PRR14L: variants seen among roughly 807,000 people sequenced by gnomAD.
The protein encoded by PRR14L is proline rich 14 like, also known as protein PRR14L.
PRR14L carries 80 observed loss-of-function variants against 155.0 expected under a neutral mutation model. The observed-to-expected ratio is 0.52, with a 90% CI of 0.43 to 0.62. The LOEUF (loss-of-function observed/expected upper bound fraction) is 0.62, where lower values mean the gene tolerates loss of function less well. Ranked by LOEUF, PRR14L falls within the 20% of genes least tolerant of loss-of-function variation. The pLI is 0.00. For missense variants in PRR14L, 2,469 were observed against 2,548.0 expected (o/e 0.97, Z 0.67); for synonymous variants, 883 against 916.0 (o/e 0.96, Z 0.65).
intron 2 of PRR14L, among the ~76,000 whole-genome samples, chr22:31,731,347 G>A (rs913912524): frequency 3.3e-5 from 5 of 151,838 alleles, no homozygotes; most frequent in East Asian, 1.9e-4. Context: ...GGCGGATCAC[G>A]AGGTCAGGAG....
Position 31,738,769 on chromosome 22 carries a change from C to T in PRR14L, c.92G>A (p.Ser31Asn). The T allele has an allele frequency of 1.3e-6, 2 of 1,551,928 alleles. No homozygotes were observed. The highest frequency in any genetic ancestry group is 1.4e-5 in the African/African-American group (1 of 73,162). ...GTCAGCATGAAGCTCTCTGGAGACA[C>T]TTACTGGGAGTTCAGAGTATAATTC... ...VQELYSELPV[S>N]VSRELHADPE... is the part of the protein sequence containing the mutation. Residue 31 changes from serine to asparagine, a missense_variant, in exon 2 of 9, where the codon AGT (serine) becomes AAT (asparagine). This residue lies in a region of PRR14L where 2,363 missense variants were observed against 2,371.6 expected (regional missense o/e 1.00). Transcript: ENST00000327423.
intron 5 of PRR14L, among the ~76,000 whole-genome samples, chr22:31,703,947 G>A (rs2074576555): frequency 6.6e-6 from 1 of 151,966 alleles, no homozygotes; most frequent in South Asian, 2.1e-4. Flanking sequence ...ACAGGCATGC[G>A]CCACCACGCC....
intron 1 of PRR14L, among the ~76,000 whole-genome samples, chr22:31,749,056 C>A (rs895538825): frequency 6.6e-6 from 1 of 152,158 alleles, no homozygotes; most frequent in African/African-American, 2.4e-5. Flanking sequence ...TCTTTTTTAA[C>A]AGATTAAGTA....
intron 2 of PRR14L, among the ~76,000 whole-genome samples, chr22:31,731,380 C>T (rs1039556822): frequency 2.0e-5 from 3 of 151,680 alleles, no homozygotes; most frequent in Admixed American, 6.6e-5. Context: ...CTGGCTAACA[C>T]GGTGAAACCC....
chr22:31,706,559 G>A (rs1447823870), intron 4 of PRR14L, among the ~76,000 whole-genome samples: 2 of 151,750 alleles, frequency 1.3e-5, no homozygotes, highest in Admixed American at 6.6e-5. Flanking sequence ...GAGTAGCTGG[G>A]ACTACAGCCA....
At chr22:31,697,669 C>T (rs1041537799) in intron 7 of PRR14L, among the ~76,000 whole-genome samples, 2 of 151,974 alleles carry the variant, frequency 1.3e-5, no homozygotes, top group Non-Finnish European at 2.9e-5. Flanking sequence ...AGTTCAAGAC[C>T]AGCCTGGGGA....
Position 31,715,194 on chromosome 22 carries a change from T to C in PRR14L, c.2645A>G (p.Asn882Ser). 3 of 1,552,208 alleles carry C rather than the reference T, an allele frequency of 1.9e-6. No individual in the cohort carries two copies. The highest frequency in any genetic ancestry group is 2.6e-6 in the Non-Finnish European group (3 of 1,147,094). ...AATGGTTTTGTTTGAAATTCCACTA[T>C]TTAACAAGCCTGCTACCATTTTGTT... The part of the protein sequence containing the change: ...IRNKMVAGLL[N>S]SGISNKTIHT... The change falls in exon 4 of 9, where the codon AAT becomes AGT. Residue 882 changes from asparagine to serine, a missense_variant. Asn to Ser is a conservative substitution (Grantham distance 46, BLOSUM62 1). Transcript: ENST00000327423.
At chr22:31,743,319 T>C (rs1443292117) in intron 1 of PRR14L, among the ~76,000 whole-genome samples, 2 of 151,798 alleles carry the variant, frequency 1.3e-5, no homozygotes, top group African/African-American at 4.8e-5. Context: ...AGGCTGGGAT[T>C]CTTGGAGAAA....
intron 2 of PRR14L, among the ~76,000 whole-genome samples, chr22:31,731,810 C>CT (rs1402310242): frequency 6.6e-6 from 1 of 151,992 alleles, no homozygotes; most frequent in African/African-American, 2.4e-5. Context: ...TCTTTTTTGA[C>CT]TTTATTCTTT....
intron 1 of PRR14L, among the ~76,000 whole-genome samples, chr22:31,748,743 A>G (rs1212386228): frequency 1.3e-5 from 2 of 152,198 alleles, no homozygotes; most frequent in African/African-American, 4.8e-5. Context: ...GGAAGAAGTG[A>G]TACCTTCTGT....
chr22:31,718,627 C>T (rs2074673509), intron 3 of PRR14L, among the ~76,000 whole-genome samples: 1 of 151,926 alleles, frequency 6.6e-6, no homozygotes, highest in Non-Finnish European at 1.5e-5. Flanking sequence ...CTCAAACTCT[C>T]GACCTCAGGT....
At chr22:31,726,258 G>GC (rs777348223) in intron 2 of PRR14L, among the ~76,000 whole-genome samples, 25 of 151,978 alleles carry the variant, frequency 1.6e-4, no homozygotes, top group Middle Eastern at 6.8e-3. Context: ...AGCCTCCCAA[G>GC]CATCTGGGAT....
chr22:31,725,496 G>T (rs1161711117), intron 3 of PRR14L, 42 bp downstream of exon 3: 5 of 1,282,696 alleles, frequency 3.9e-6, no homozygotes, highest in Non-Finnish European at 5.5e-6. Flanking sequence ...AACAGTATTT[G>T]CAGTAAGTGG....
At chr22:31,704,788 T>C in intron 4 of PRR14L, 62 bp from the exon 5 acceptor site, 1 of 1,316,134 alleles carries the variant, frequency 7.6e-7, no homozygotes. Context: ...GGAAAGGTTT[T>C]GATGTTATTG....
In PRR14L at chr22:31,714,861, A is replaced by G. The variant is rs767582551; in HGVS notation, c.2978T>C (p.Leu993Pro). The stretch of plus-strand genomic sequence containing the variant: ...GACAGTCTCTCTCTGGTCACTACTT[A>G]GCATCTCCTTGGCTGACTGACCTTC... ...KSEGQSAKEM[L>P]SSDQRETVTE... The change falls in exon 4 of 9, where the codon CTA becomes CCA. Residue 993 changes from leucine to proline, a missense_variant. By Grantham distance (98) the Leu-to-Pro change is moderately conservative. Coordinates refer to ENST00000327423, the MANE Select transcript of PRR14L (RefSeq NM_173566.3). The G allele has an allele frequency of 6.2e-5, 96 of 1,551,808 alleles. No individual in the cohort carries two copies. The highest frequency in any genetic ancestry group is 8.4e-5 in the Non-Finnish European group (96 of 1,147,050).
rs5998111 is a variant in PRR14L at position 31,743,522 on chromosome 22, C to T, written c.-51-4611G>A. 7.5e-3 allele frequency among the ~76,000 whole-genome samples: 1,138 copies of T among 152,054 alleles called. 10 individuals are homozygous for T. The highest frequency in any genetic ancestry group is 0.023 in the African/African-American group (968 of 41,486). The stretch of plus-strand genomic sequence containing the variant: ...GATTTCTTTTAAAAAAGAACCTGGC[C>T]GGGAGCGGTGGCTCAAGCCTGTAAT... On this transcript the variant is annotated intron_variant, in intron 1 of 8. Coordinates refer to ENST00000327423, the MANE Select transcript of PRR14L (RefSeq NM_173566.3).
chr22:31,727,719 C>T (rs183250245), intron 2 of PRR14L, among the ~76,000 whole-genome samples: 1 of 152,094 alleles, frequency 6.6e-6, no homozygotes, highest in African/African-American at 2.4e-5. Flanking sequence ...CAGTGGCTCA[C>T]GCCTTTAATC....
intron 2 of PRR14L, among the ~76,000 whole-genome samples, chr22:31,728,379 G>A (rs1055884368): frequency 7.9e-5 from 12 of 152,096 alleles, no homozygotes; most frequent in African/African-American, 2.2e-4. Context: ...TTGGGAGGCC[G>A]AGGAGGGCGG....
chr22:31,744,067 G>T (rs1160176869), intron 1 of PRR14L, among the ~76,000 whole-genome samples: 1 of 148,874 alleles, frequency 6.7e-6, no homozygotes. Context: ...GCCCAGGCTG[G>T]AGTGTGGTGG....
Sources: allele counts gnomAD v4.1 joint callset (sites outside exome capture counted in the v4.1 genomes callset), GRCh38; gene constraint gnomAD v4.1.1; regional missense constraint gnomAD v4.1.1; transcripts MANE v1.5; gene names NCBI Gene and HGNC (gene_info 2026-07-23, HGNC 2026-07-21).